CHRM2: variants seen among roughly 807,000 people sequenced by gnomAD.
CHRM2 encodes the protein muscarinic acetylcholine receptor M2.
A neutral mutation model predicts 25.0 loss-of-function variants in CHRM2; 8 were observed. The observed-to-expected ratio is 0.32, with a 90% CI of 0.19 to 0.58. CHRM2 has a LOEUF of 0.58. Among genes scored for constraint, CHRM2 ranks in the 20% least tolerant of loss-of-function variants. The pLI is 0.88. For synonymous variants in CHRM2, 202 were observed against 205.7 expected (o/e 0.98, Z 0.15); for missense variants, 440 against 567.1 (o/e 0.78, Z 2.28).
chr7:136,888,233 T>C (rs566062257), intron 2 of CHRM2, among the ~76,000 whole-genome samples: 2 of 152,320 alleles, frequency 1.3e-5, no homozygotes, highest in South Asian at 2.1e-4. Flanking sequence ...ACCCCTATCA[T>C]GAAACCTAAG....
intron 2 of CHRM2, among the ~76,000 whole-genome samples, chr7:136,978,343 A>G (rs1802247943): frequency 6.6e-6 from 1 of 152,136 alleles, no homozygotes; most frequent in African/African-American, 2.4e-5. Flanking sequence ...TCTATAGTGT[A>G]TTTTTTCTAC....
chr7:136,875,134 T>C lies in CHRM2; in HGVS notation c.-125+5716T>C, dbSNP rs574738525. Among the ~76,000 whole-genome samples the C allele has an allele frequency of 4.0e-5, 6 of 149,478 alleles. No individual in the cohort carries two copies. In the South Asian group the frequency reaches 1.3e-3, roughly 31 times the overall value. ...ATATACACACATATATACATATATA[T>C]ACACACACATACACACACATGAATT... On this transcript the variant is annotated intron_variant, in intron 2 of 3. Coordinates refer to ENST00000680005, the MANE Select transcript of CHRM2 (RefSeq NM_001006630.2).
chr7:136,892,112 C>T (rs1423940654), intron 2 of CHRM2, among the ~76,000 whole-genome samples: 4 of 152,106 alleles, frequency 2.6e-5, no homozygotes, highest in Non-Finnish European at 5.9e-5. Flanking sequence ...AAAGCAAGCT[C>T]GAATTTGAAA....
intron 3 of CHRM2, among the ~76,000 whole-genome samples, chr7:136,998,958 C>CAAGAA (rs1323603679): frequency 2.0e-5 from 3 of 152,002 alleles, no homozygotes; most frequent in African/African-American, 7.3e-5. Flanking sequence ...AGGTAGTTTG[C>CAAGAA]AAGAAAATAA....
chr7:137,000,464 T>C (rs1484154594), intron 3 of CHRM2, among the ~76,000 whole-genome samples: 1 of 150,068 alleles, frequency 6.7e-6, no homozygotes, highest in East Asian at 2.0e-4. Flanking sequence ...CCTCCCAAAG[T>C]GCTGGGATTA....
At chr7:136,974,838 G>A (rs892625515) in intron 2 of CHRM2, among the ~76,000 whole-genome samples, 1 of 152,150 alleles carries the variant, frequency 6.6e-6, no homozygotes, top group Non-Finnish European at 1.5e-5. Context: ...AAATGTGAGC[G>A]AATGTGACTA....
At chr7:136,923,460 T>A (rs1452185755) in intron 2 of CHRM2, among the ~76,000 whole-genome samples, 1 of 152,106 alleles carries the variant, frequency 6.6e-6, no homozygotes, top group Non-Finnish European at 1.5e-5. Flanking sequence ...AAGCAACTGA[T>A]GAGCTGTTTC....
chr7:136,958,928 T>C (rs1800890601), intron 2 of CHRM2, among the ~76,000 whole-genome samples: 1 of 152,208 alleles, frequency 6.6e-6, no homozygotes, highest in Admixed American at 6.5e-5. Context: ...ATTCCAAGTT[T>C]GAAAAATTTG....
intron 2 of CHRM2, among the ~76,000 whole-genome samples, chr7:136,873,585 G>A (rs893884723): frequency 6.6e-6 from 1 of 152,164 alleles, no homozygotes; most frequent in Admixed American, 6.5e-5. Flanking sequence ...GAGGGGTCTG[G>A]TAATGACCCG....
chr7:136,967,641 G>T (rs1158162976), intron 2 of CHRM2, among the ~76,000 whole-genome samples: 2 of 151,928 alleles, frequency 1.3e-5, no homozygotes, highest in South Asian at 4.2e-4. Flanking sequence ...TTTGGATCTA[G>T]AAATGTTTTC....
intron 2 of CHRM2, among the ~76,000 whole-genome samples, chr7:136,920,695 C>T (rs1584758270): frequency 6.6e-6 from 1 of 152,122 alleles, no homozygotes; most frequent in Non-Finnish European, 1.5e-5. Context: ...ACCTTAAGCT[C>T]ATCACACCTT....
chr7:136,945,045 C>T (rs1354540246), intron 2 of CHRM2, among the ~76,000 whole-genome samples: 4 of 151,854 alleles, frequency 2.6e-5, no homozygotes, highest in African/African-American at 9.7e-5. Context: ...ATTTGTGTAT[C>T]TTGTCCTTAG....
chr7:136,899,629 CAGG>C (rs1042163749), intron 2 of CHRM2: 13 of 152,142 alleles, frequency 8.5e-5, no homozygotes, highest in African/African-American at 3.1e-4. Context: ...ATAGAAGATA[CAGG>C]AGGACTATTC....
chr7:136,989,512 C>T (rs1803076533), intron 2 of CHRM2, among the ~76,000 whole-genome samples: 1 of 152,168 alleles, frequency 6.6e-6, no homozygotes, highest in African/African-American at 2.4e-5. Flanking sequence ...CCATGATACC[C>T]ACTGTAGACT....
chr7:136,892,755 T>C (rs1584706713), intron 2 of CHRM2, among the ~76,000 whole-genome samples: 1 of 151,658 alleles, frequency 6.6e-6, no homozygotes, highest in Non-Finnish European at 1.5e-5. Context: ...CTGCAACCTC[T>C]GCCCCCTGGG....
intron 3 of CHRM2, among the ~76,000 whole-genome samples, chr7:137,000,883 A>T (rs944392706): frequency 2.0e-5 from 3 of 152,168 alleles, no homozygotes; most frequent in African/African-American, 7.2e-5. Context: ...ATATGAAAAT[A>T]TTGTTTGAGT....
At chr7:136,939,924 T>C (rs988642079) in intron 2 of CHRM2, among the ~76,000 whole-genome samples, 1 of 152,220 alleles carries the variant, frequency 6.6e-6, no homozygotes, top group African/African-American at 2.4e-5. Flanking sequence ...ACAATTTTAG[T>C]CTAGGAACAG....
chr7:136,990,172 C>T (rs1465130616), intron 2 of CHRM2, among the ~76,000 whole-genome samples: 2 of 152,134 alleles, frequency 1.3e-5, no homozygotes, highest in Admixed American at 1.3e-4. Context: ...TTTCAACATC[C>T]TCTATCAGAG....
chr7:136,971,890 A>T (rs1202703097), intron 2 of CHRM2, among the ~76,000 whole-genome samples: 1 of 152,114 alleles, frequency 6.6e-6, no homozygotes, highest in Non-Finnish European at 1.5e-5. Flanking sequence ...CACTACTCTC[A>T]TCTGTATTTT....
Sources: allele counts gnomAD v4.1 joint callset (sites outside exome capture counted in the v4.1 genomes callset), GRCh38; gene constraint gnomAD v4.1.1; transcripts MANE v1.5; gene names NCBI Gene and HGNC (gene_info 2026-07-23, HGNC 2026-07-21).